CENPW: variants seen among roughly 807,000 people sequenced by gnomAD.
The protein encoded by CENPW is cancer-up-regulated gene 2 protein.
CENPW carries 3 observed loss-of-function variants against 11.1 expected under a neutral mutation model. The observed-to-expected ratio is 0.27, with a 90% confidence interval of 0.12 to 0.70. CENPW has a LOEUF of 0.70. Ranked by LOEUF, CENPW falls within the 30% of genes least tolerant of loss-of-function variation. The probability of loss-of-function intolerance (pLI) is 0.77; values close to 1 mark genes in which losing one functional copy is unlikely to be tolerated. For missense variants in CENPW, 100 were observed against 105.6 expected, an observed-to-expected ratio of 0.95 and a Z score of 0.23; for synonymous variants, 38 against 42.0, an observed-to-expected ratio of 0.91 and a Z score of 0.37.
chr6:126,371,810 C>T, the CENPW span, among the ~76,000 whole-genome samples: 1 of 152,054 alleles, frequency 6.6e-6, no homozygotes, highest in East Asian at 1.9e-4. Context: ...AATCTACAAG[C>T]GTTGTATATT....
chr6:126,425,155 C>A, the CENPW span, among the ~76,000 whole-genome samples: 1 of 152,036 alleles, frequency 6.6e-6, no homozygotes, highest in Non-Finnish European at 1.5e-5. Flanking sequence ...CTCCTGGAGT[C>A]TTTCACAGAG....
the CENPW span, among the ~76,000 whole-genome samples, chr6:126,396,512 A>T: frequency 6.6e-6 from 1 of 152,174 alleles, no homozygotes; most frequent in South Asian, 2.1e-4. Context: ...CCTGGAATCA[A>T]GGACTCCAAG....
the CENPW span, among the ~76,000 whole-genome samples, chr6:126,436,525 G>A: frequency 2.0e-5 from 3 of 151,714 alleles, no homozygotes; most frequent in African/African-American, 2.4e-5. Flanking sequence ...ACATTGATTG[G>A]CATTGCAGGG....
chr6:126,368,856 A>G, the CENPW span, among the ~76,000 whole-genome samples: 1 of 152,124 alleles, frequency 6.6e-6, no homozygotes, highest in Non-Finnish European at 1.5e-5. Flanking sequence ...TGTGTTAGCC[A>G]GGATGGTCTC....
At chr6:126,390,263 T>C in the CENPW span, among the ~76,000 whole-genome samples, 3 of 151,936 alleles carry the variant, frequency 2.0e-5, no homozygotes, top group African/African-American at 7.2e-5. Flanking sequence ...ATATCTGTTT[T>C]TGCCTTCTTA....
chr6:126,455,908 A>ATATTTTTGTATATTTCTATATGTAG, the CENPW span, among the ~76,000 whole-genome samples: 1 of 151,328 alleles, frequency 6.6e-6, no homozygotes, highest in South Asian at 2.1e-4. Context: ...AAAAATTAGT[A>ATATTTTTGTATATTTCTATATGTAG]GCATTTCTAT....
the CENPW span, among the ~76,000 whole-genome samples, chr6:126,419,936 C>T: frequency 6.6e-6 from 1 of 152,134 alleles, no homozygotes; most frequent in Non-Finnish European, 1.5e-5. Flanking sequence ...TAAAAAGTCT[C>T]TTTTGGCATA....
At chr6:126,400,397 T>C in the CENPW span, among the ~76,000 whole-genome samples, 27 of 152,200 alleles carry the variant, frequency 1.8e-4, no homozygotes, top group African/African-American at 6.5e-4. Flanking sequence ...CATTTTAAAA[T>C]TTATACTGTC....
At chr6:126,416,006 CAGA>C in the CENPW span, among the ~76,000 whole-genome samples, 1 of 152,204 alleles carries the variant, frequency 6.6e-6, no homozygotes, top group East Asian at 1.9e-4. Context: ...TTGGAGGGCT[CAGA>C]AGAAGACAGG....
the CENPW span, among the ~76,000 whole-genome samples, chr6:126,435,204 T>A: frequency 3.3e-5 from 5 of 151,956 alleles, no homozygotes; most frequent in Admixed American, 6.6e-5. Flanking sequence ...TAATAATTGT[T>A]TTTCCTCTTT....
chr6:126,361,826 A>G, the CENPW span, among the ~76,000 whole-genome samples: 1 of 152,154 alleles, frequency 6.6e-6, no homozygotes, highest in Non-Finnish European at 1.5e-5. Flanking sequence ...CCCCACTGCC[A>G]CACATCTTGT....
chr6:126,358,982 T>TA, the CENPW span, among the ~76,000 whole-genome samples: 1 of 151,912 alleles, frequency 6.6e-6, no homozygotes, highest in Non-Finnish European at 1.5e-5. Context: ...CACTTTTTTT[T>TA]TTTCTTTTCT....
At chr6:126,410,876 G>A in the CENPW span, among the ~76,000 whole-genome samples, 1 of 151,824 alleles carries the variant, frequency 6.6e-6, no homozygotes, top group Non-Finnish European at 1.5e-5. Context: ...CTCATATTCT[G>A]TGTGAATTGT....
the CENPW span, among the ~76,000 whole-genome samples, chr6:126,377,201 G>A: frequency 6.6e-6 from 1 of 151,902 alleles, no homozygotes; most frequent in African/African-American, 2.4e-5. Flanking sequence ...TTTTTTAACT[G>A]GAGTTATATA....
chr6:126,374,976 T>C, the CENPW span, among the ~76,000 whole-genome samples: 3 of 152,244 alleles, frequency 2.0e-5, no homozygotes, highest in Non-Finnish European at 4.4e-5. Context: ...AAATCATCTA[T>C]AGAAACAAGC....
the CENPW span, among the ~76,000 whole-genome samples, chr6:126,466,872 C>T: frequency 6.6e-6 from 1 of 151,946 alleles, no homozygotes; most frequent in Non-Finnish European, 1.5e-5. Context: ...AAATCAGGAA[C>T]TCAATCATAT....
the CENPW span, among the ~76,000 whole-genome samples, chr6:126,374,675 T>C: frequency 7.2e-5 from 11 of 152,150 alleles, no homozygotes; most frequent in Non-Finnish European, 1.6e-4. Context: ...AGTTATGGTG[T>C]GAAGTAAAAG....
the CENPW span, among the ~76,000 whole-genome samples, chr6:126,383,626 T>A: frequency 6.6e-6 from 1 of 151,926 alleles, no homozygotes; most frequent in African/African-American, 2.4e-5. Context: ...GGGGTTGCAA[T>A]CCTAATTTCA....
the CENPW span, among the ~76,000 whole-genome samples, chr6:126,431,981 C>T: frequency 6.9e-6 from 1 of 145,972 alleles, no homozygotes; most frequent in Non-Finnish European, 1.5e-5. Context: ...AGGAGAATCG[C>T]TTGAACCCAG....
Sources: gnomAD v4.1 joint callset for allele counts (sites outside exome capture counted in the v4.1 genomes callset) on GRCh38, gnomAD v4.1.1 for gene constraint, MANE v1.5 for transcripts, NCBI Gene and HGNC (gene_info 2026-07-23, HGNC 2026-07-21) for gene names.